SVIL: variants seen among roughly 807,000 people sequenced by gnomAD.
The protein encoded by SVIL is archvillin.
SVIL carries 101 observed loss-of-function variants against 240.4 expected under a neutral mutation model. The ratio of observed to expected loss-of-function variants is 0.42; its 90% CI spans 0.36 to 0.50. The LOEUF is 0.50. Ranked by LOEUF, SVIL falls within the 20% of genes least tolerant of loss-of-function variation. SVIL has a pLI of 0.01. For missense variants in SVIL, 2,512 were observed against 2,818.7 expected (o/e 0.89, Z 2.46); for synonymous variants, 999 against 1,100.0 (o/e 0.91, Z 1.82).
chr10:29,682,900 A>T (rs1422540199), intron 2 of SVIL, among the ~76,000 whole-genome samples: 5 of 152,222 alleles, frequency 3.3e-5, no homozygotes, highest in Non-Finnish European at 7.3e-5. Flanking sequence ...GTAGCAGAGC[A>T]GGTGGGTCCA....
chr10:29,525,055 TCA>T (rs1950809559), intron 13 of SVIL, among the ~76,000 whole-genome samples: 1 of 152,074 alleles, frequency 6.6e-6, no homozygotes, highest in East Asian at 1.9e-4. Context: ...TGAAAGGGAG[TCA>T]CAAAGTATTA....
chr10:29,474,115 G>A (rs1945900172), intron 29 of SVIL, 126 bp from the exon 30 acceptor site: 1 of 1,332,604 alleles, frequency 7.5e-7, no homozygotes, highest in South Asian at 1.5e-5. Flanking sequence ...TAGGGCAGGG[G>A]AGAAACCGTT....
At chr10:29,639,176 G>C (rs556901467), upstream of SVIL, among the ~76,000 whole-genome samples, 4 of 151,772 alleles carry the variant, frequency 2.6e-5, no homozygotes, top group African/African-American at 9.7e-5. Context: ...TTTCTTTTTT[G>C]TTTTTCTTTT....
Position 29,520,208 on chromosome 10 carries a change from C to T in SVIL, c.3389+2202G>A, listed in dbSNP as rs1324237887. On this transcript the variant is annotated intron_variant, in intron 16 of 37. Coordinates refer to ENST00000355867, the MANE Select transcript of SVIL (RefSeq NM_021738.3). The stretch of plus-strand genomic sequence containing the variant: ...AAGGGGGCATAATATTAGTATTTCC[C>T]ACTGGGGAATACCCCAGGGATATTT... Among the ~76,000 whole-genome samples, 4 of 152,218 alleles carry T rather than the reference C, an allele frequency of 2.6e-5. No homozygotes were observed. In the East Asian group the frequency reaches 5.8e-4, roughly 22 times the overall value.
At chr10:29,531,875 A>G in intron 9 of SVIL, 127 bp downstream of exon 9, 1 of 1,099,888 alleles carries the variant, frequency 9.1e-7, no homozygotes. Flanking sequence ...TAACGCTTAT[A>G]GGTTAGATGG....
chr10:29,675,355 T>C (rs1244929513), intron 2 of SVIL, among the ~76,000 whole-genome samples: 7 of 152,144 alleles, frequency 4.6e-5, no homozygotes, highest in Admixed American at 3.3e-4. Context: ...AGTTAACCAA[T>C]TAGCTGGACA....
Position 29,480,721 on chromosome 10 carries a change from G to A in SVIL, c.5193C>T (p.Asn1731=), listed in dbSNP as rs760014574. 12 of 1,614,168 alleles carry A rather than the reference G, an allele frequency of 7.4e-6. No homozygotes were observed. The highest frequency in any genetic ancestry group is 5.0e-5 in the Admixed American group (3 of 60,026). Residue 1731 remains asparagine (N), a synonymous_variant, in exon 29 of 38, where the codon AAC becomes AAT. Coordinates refer to ENST00000355867, the MANE Select transcript of SVIL (RefSeq NM_021738.3). ...CCACCAGGCCATAGCCACGGCCGACGTTCACTCCGTCCAGGATGGTGCCTG... is the reference window on the plus strand; with the variant it reads ...CCACCAGGCCATAGCCACGGCCGACATTCACTCCGTCCAGGATGGTGCCTG... ...TTAGTILDGV[N]VGRGYGLVEG...
chr10:29,492,560 G>A (rs973670910), intron 21 of SVIL, among the ~76,000 whole-genome samples: 2 of 152,032 alleles, frequency 1.3e-5, no homozygotes, highest in African/African-American at 4.8e-5. Context: ...CCAGTGAGCC[G>A]ACAAAGCCCT....
intron 1 of SVIL, among the ~76,000 whole-genome samples, chr10:29,702,251 A>C (rs559254922): frequency 6.6e-6 from 1 of 152,190 alleles, no homozygotes; most frequent in African/African-American, 2.4e-5. Context: ...ATAACTTCAT[A>C]AAGGACAGAG....
At chr10:29,463,374 G>T in intron 35 of SVIL, 118 bp downstream of exon 35, 1 of 1,340,592 alleles carries the variant, frequency 7.5e-7, no homozygotes, top group Non-Finnish European at 9.8e-7. Flanking sequence ...CACCTGCCAG[G>T]CTTTATGGAT....
At position 29,718,530 on chromosome 10, in the gene SVIL, C is replaced by T. The variant is rs189202929; in HGVS notation, c.-400+17221G>A. On this transcript the variant is annotated intron_variant, in intron 1 of 35. Coordinates refer to the SVIL transcript ENST00000375400. ...CAGACCCTAGCAAAAACCTACTGAA[C>T]AGAATCTGAATTTTCAGATTCTAGG... is the stretch of plus-strand genomic sequence containing the variant. 1.6e-3 allele frequency among the ~76,000 whole-genome samples: 238 copies of T among 152,144 alleles called. 1 individual carries two copies. Among genetic ancestry groups the T allele is most frequent in the Non-Finnish European group, 3.0e-3 (202 of 67,994 alleles).
At chr10:29,530,786 T>C in intron 10 of SVIL, 118 bp from the exon 11 acceptor site, 16 of 1,074,264 alleles carry the variant, frequency 1.5e-5, no homozygotes, top group Non-Finnish European at 2.2e-5. Flanking sequence ...TGCACTAAAA[T>C]AATAATTGGT....
chr10:29,458,221 G>C lies in SVIL; in HGVS notation c.*26C>G. The C allele has an allele frequency of 6.2e-7, 1 of 1,608,712 alleles. No homozygotes were observed. Among genetic ancestry groups the C allele is most frequent in the Admixed American group, 1.7e-5 (1 of 59,542 alleles). On this transcript the variant is annotated 3_prime_UTR_variant, in exon 38 of 38. Transcript: ENST00000355867. ...TGCAGTGGTGTTGTTGGACGTGACCGTGAGGCTCCTCTGGCGTCTCCCCAC... is the reference window on the plus strand; with the variant it reads ...TGCAGTGGTGTTGTTGGACGTGACCCTGAGGCTCCTCTGGCGTCTCCCCAC...
chr10:29,681,988 C>T lies in SVIL; in HGVS notation c.-301+4565G>A, dbSNP rs576109707. ...TCTTGAAGGGAAGGCTCTGTTGTGA[C>T]ACCCAGCACACGCCCTTCCTGTCCC... On this transcript the variant is annotated intron_variant, in intron 2 of 35. Transcript: ENST00000375400. Among the ~76,000 whole-genome samples, 3 of 152,308 alleles carry T rather than the reference C, an allele frequency of 2.0e-5. No individual in the cohort carries two copies. The South Asian group carries it at 6.2e-4, about 32-fold the overall frequency.
chr10:29,613,156 CAGAG>C (rs1234315253), intron 1 of SVIL, among the ~76,000 whole-genome samples: 2 of 127,510 alleles, frequency 1.6e-5, no homozygotes. Context: ...AGCCTGGTGA[CAGAG>C]AGACTCCATC....
At position 29,532,805 on chromosome 10, in the gene SVIL, C is replaced by G; in HGVS notation, c.1562G>C (p.Ser521Thr). Reference sequence around the variant, plus strand: ...TTTGGCGTCTTGGGACACAGGCTCACTTTGAATGTAGAGAACCATCTCGCT... The same window carrying G: ...TTTGGCGTCTTGGGACACAGGCTCAGTTTGAATGTAGAGAACCATCTCGCT... ...GRSEMVLYIQ[S>T]EPVSQDAKPT... is the part of the protein sequence containing the mutation. The change falls in exon 8 of 38, where the codon AGT becomes ACT. Residue 521 changes from serine to threonine, a missense_variant. This residue lies in a region of SVIL where 1,443 missense variants were observed against 1,486.6 expected (regional missense o/e 0.97). Transcript: ENST00000355867. 6.2e-7 allele frequency: 1 copy of G among 1,614,134 alleles called. No homozygotes were observed. The highest frequency in any genetic ancestry group is 8.5e-7 in the Non-Finnish European group (1 of 1,180,032).
chr10:29,660,338 G>A (rs1959120876), intron 2 of SVIL, among the ~76,000 whole-genome samples: 3 of 152,180 alleles, frequency 2.0e-5, no homozygotes, highest in Admixed American at 1.3e-4. Context: ...AAGGCAGGGT[G>A]GGGTGGCTCA....
Position 29,667,579 on chromosome 10 carries a change from T to C in SVIL, c.-300-9511A>G, listed in dbSNP as rs1399562797. On this transcript the variant is annotated intron_variant, in intron 2 of 35. Transcript: ENST00000375400. ...TCTCAAAACACACCTGGGCCAGGTG[T>C]AGTGGCTCACACCTGTAATCTCAAC... Among the ~76,000 whole-genome samples, 3 of 152,110 alleles carry C rather than the reference T, an allele frequency of 2.0e-5. No homozygotes were observed. The East Asian group carries it at 5.8e-4, about 29-fold the overall frequency.
chr10:29,525,981 T>C (rs558298618), intron 13 of SVIL, among the ~76,000 whole-genome samples: 7 of 152,304 alleles, frequency 4.6e-5, no homozygotes, highest in African/African-American at 1.7e-4. Flanking sequence ...ACCAGCTTTA[T>C]CCCGGCACTG....
Sources: allele counts gnomAD v4.1 joint callset (sites outside exome capture counted in the v4.1 genomes callset), GRCh38; gene constraint gnomAD v4.1.1; regional missense constraint gnomAD v4.1.1; transcripts MANE v1.5; gene names NCBI Gene and HGNC (gene_info 2026-07-23, HGNC 2026-07-21).